The following OPCML variants were observed in gnomAD, a reference collection of about 807,000 sequenced individuals.
OPCML encodes the protein opioid-binding protein/cell adhesion molecule.
In OPCML, 13 loss-of-function variants were observed where a neutral mutation model predicts 37.8. The observed-to-expected ratio is 0.34, with a 90% CI of 0.22 to 0.55. The LOEUF (loss-of-function observed/expected upper bound fraction) is 0.55, where lower values mean the gene tolerates loss of function less well. Ranked by LOEUF, OPCML falls within the 20% of genes least tolerant of loss-of-function variation. The probability of loss-of-function intolerance (pLI) is 0.91; values close to 1 mark genes in which losing one functional copy is unlikely to be tolerated. For missense variants in OPCML, 341 were observed against 435.6 expected, an observed-to-expected ratio of 0.78 and a Z score of 1.93; for synonymous variants, 176 against 168.8, an observed-to-expected ratio of 1.04 and a Z score of -0.33.
chr11:132,779,302 A>G lies in OPCML; in HGVS notation c.147-121983T>C, dbSNP rs550005813. On this transcript the variant is annotated intron_variant, in intron 2 of 7. Transcript: ENST00000524381. ...ATATTTCTTTAACTTGAAATGTATC[A>G]CAGCGTATGTCCCAGTAAAGGATCT... 2.0e-5 allele frequency among the ~76,000 whole-genome samples: 3 copies of G among 152,262 alleles called. No homozygotes were observed. The South Asian group carries it at 6.2e-4, about 32-fold the overall frequency.
intron 1 of OPCML, among the ~76,000 whole-genome samples, chr11:133,476,540 G>A (rs1347147735): frequency 6.6e-6 from 1 of 152,148 alleles, no homozygotes; most frequent in Non-Finnish European, 1.5e-5. Flanking sequence ...TAGGAAAGAA[G>A]TCACAGGACA....
intron 1 of OPCML, among the ~76,000 whole-genome samples, chr11:133,521,311 A>AAGTCAGAGGCAT (rs1459466401): frequency 2.6e-5 from 4 of 152,220 alleles, no homozygotes; most frequent in Non-Finnish European, 1.5e-5. Flanking sequence ...GTCAGAGGCA[A>AAGTCAGAGGCAT]AGTCAGGGGC....
At chr11:133,349,928 A>G (rs935305913) in intron 1 of OPCML, among the ~76,000 whole-genome samples, 2 of 152,192 alleles carry the variant, frequency 1.3e-5, no homozygotes, top group African/African-American at 4.8e-5. Flanking sequence ...TCAACTTTTC[A>G]TTGAAACACT....
At chr11:133,012,318 G>A (rs886733026) in intron 1 of OPCML, among the ~76,000 whole-genome samples, 1 of 152,114 alleles carries the variant, frequency 6.6e-6, no homozygotes, top group Non-Finnish European at 1.5e-5. Context: ...GCTTATCCAA[G>A]GTCCTTAGCA....
intron 2 of OPCML, among the ~76,000 whole-genome samples, chr11:132,918,398 T>C (rs1354739512): frequency 6.6e-6 from 1 of 152,190 alleles, no homozygotes; most frequent in Non-Finnish European, 1.5e-5. Flanking sequence ...ACTCTCAAGC[T>C]TCCCTGTACC....
intron 2 of OPCML, among the ~76,000 whole-genome samples, chr11:132,805,297 G>A (rs1394811713): frequency 6.6e-6 from 1 of 152,080 alleles, no homozygotes. Context: ...TGAGCCTCAG[G>A]GAAATACAGA....
intron 1 of OPCML, among the ~76,000 whole-genome samples, chr11:133,373,424 A>AATAT (rs57417327): frequency 0.048 from 5,598 of 117,586 alleles, 277 homozygotes; most frequent in East Asian, 0.09. Flanking sequence ...ACTTAATTAA[A>AATAT]ATATATATAT....
intron 1 of OPCML, chr11:133,421,423 T>G (rs767626326): frequency 2.1e-5 from 21 of 985,328 alleles, no homozygotes; most frequent in Non-Finnish European, 2.5e-5. Context: ...TTGTGTATGT[T>G]TCTCACTAGT....
chr11:132,526,738 A>T (rs2137278475), intron 4 of OPCML, among the ~76,000 whole-genome samples: 1 of 152,304 alleles, frequency 6.6e-6, no homozygotes, highest in Non-Finnish European at 1.5e-5. Context: ...TATACTTCAA[A>T]TTTAATTGCA....
At chr11:133,474,963 G>GCA (rs1947206067) in intron 1 of OPCML, among the ~76,000 whole-genome samples, 1 of 152,138 alleles carries the variant, frequency 6.6e-6, no homozygotes, top group Non-Finnish European at 1.5e-5. Context: ...TGCCAAGGAA[G>GCA]CACATCCTGC....
At chr11:133,180,315 T>C (rs1937764848) in intron 1 of OPCML, among the ~76,000 whole-genome samples, 1 of 152,172 alleles carries the variant, frequency 6.6e-6, no homozygotes, top group Non-Finnish European at 1.5e-5. Flanking sequence ...CCTCAGTCTC[T>C]GGTGGGACAA....
intron 2 of OPCML, among the ~76,000 whole-genome samples, chr11:132,759,039 T>C (rs1946166592): frequency 6.6e-6 from 1 of 152,206 alleles, no homozygotes; most frequent in African/African-American, 2.4e-5. Flanking sequence ...AAAGGCCTTT[T>C]CTGCATCTAT....
intron 2 of OPCML, among the ~76,000 whole-genome samples, chr11:132,873,041 T>C (rs1942870329): frequency 6.6e-6 from 1 of 152,152 alleles, no homozygotes; most frequent in Non-Finnish European, 1.5e-5. Context: ...ATGCCCAGCA[T>C]GAAAGGTCCC....
chr11:132,620,623 C>T (rs1053328935), intron 3 of OPCML, among the ~76,000 whole-genome samples: 2 of 152,190 alleles, frequency 1.3e-5, no homozygotes, highest in Admixed American at 1.3e-4. Context: ...GGTGACTTGG[C>T]AGGTGTTTCT....
intron 4 of OPCML, among the ~76,000 whole-genome samples, chr11:132,499,052 C>T (rs1032545821): frequency 7.9e-5 from 12 of 152,198 alleles, no homozygotes; most frequent in African/African-American, 2.7e-4. Flanking sequence ...TGTGCTTCCC[C>T]GTGCATGGTA....
intron 1 of OPCML, among the ~76,000 whole-genome samples, chr11:133,285,800 A>G (rs1398475372): frequency 1.3e-5 from 2 of 152,240 alleles, no homozygotes; most frequent in East Asian, 1.9e-4. Context: ...TAATGGAAGC[A>G]TATTGGTATG....
At chr11:133,172,874 G>T (rs1267530204) in intron 1 of OPCML, among the ~76,000 whole-genome samples, 1 of 152,086 alleles carries the variant, frequency 6.6e-6, no homozygotes, top group African/African-American at 2.4e-5. Flanking sequence ...TATTAAATAC[G>T]TTATCTCATT....
intron 1 of OPCML, among the ~76,000 whole-genome samples, chr11:133,405,288 G>T (rs148771109): frequency 6.6e-6 from 1 of 152,144 alleles, no homozygotes; most frequent in Non-Finnish European, 1.5e-5. Flanking sequence ...TTGACAGGGC[G>T]TCTGGGCTGA....
At chr11:133,370,303 G>A (rs534852070) in intron 1 of OPCML, among the ~76,000 whole-genome samples, 47 of 152,230 alleles carry the variant, frequency 3.1e-4, no homozygotes, top group African/African-American at 1.1e-3. Context: ...TAAAGCCCAA[G>A]TCTGGAGCTT....
Sources: allele counts gnomAD v4.1 joint callset (sites outside exome capture counted in the v4.1 genomes callset), GRCh38; gene constraint gnomAD v4.1.1; transcripts MANE v1.5; gene names NCBI Gene and HGNC (gene_info 2026-07-23, HGNC 2026-07-21).